Variants in SMAP1 observed in about 807,000 individuals in gnomAD.
The protein encoded by SMAP1 is stromal membrane-associated protein 1.
In SMAP1, 24 loss-of-function variants were observed where a neutral mutation model predicts 58.5. The observed-to-expected ratio is 0.41, with a 90% CI of 0.30 to 0.58. The LOEUF is 0.58. Among genes scored for constraint, SMAP1 ranks in the 20% least tolerant of loss-of-function variants. The probability of loss-of-function intolerance (pLI) is 0.29; values close to 1 mark genes in which losing one functional copy is unlikely to be tolerated. For synonymous variants in SMAP1, 216 were observed against 196.6 expected, an observed-to-expected ratio of 1.10 and a Z score of -0.82; for missense variants, 563 against 566.3, an observed-to-expected ratio of 0.99 and a Z score of 0.06.
intron 3 of SMAP1, among the ~76,000 whole-genome samples, chr6:70,771,280 A>C (rs1363290004): frequency 6.6e-6 from 1 of 152,216 alleles, no homozygotes; most frequent in African/African-American, 2.4e-5. Flanking sequence ...TTCTCTTCAA[A>C]GCTGTCAGAC....
In SMAP1 at chr6:70,860,420, ATTT is replaced by A; in HGVS notation, c.*92_*94del. 1 of 1,478,246 alleles carries A rather than the reference ATTT, an allele frequency of 6.8e-7. No individual in the cohort carries two copies. The highest frequency in any genetic ancestry group is 1.4e-5 in the South Asian group (1 of 71,720). The allele number at this position is 1,478,246 out of a possible 1,614,324, so 91.6% of individuals were successfully genotyped here. On this transcript the variant is annotated 3_prime_UTR_variant, in exon 11 of 11. Transcript: ENST00000370455. ...AGTTCCCCTGTTTATTCATATGCAT[ATTT>A]TTTTTCTTTTTACCCATTTGTTCAT... is the stretch of plus-strand genomic sequence containing the variant.
intron 1 of SMAP1, among the ~76,000 whole-genome samples, chr6:70,675,854 C>T (rs1292356802): frequency 6.6e-6 from 1 of 152,094 alleles, no homozygotes; most frequent in Non-Finnish European, 1.5e-5. Flanking sequence ...TCCCACCACC[C>T]TAAGTGATGA....
At chr6:70,810,413 T>A (rs1769335955) in intron 6 of SMAP1, among the ~76,000 whole-genome samples, 2 of 152,168 alleles carry the variant, frequency 1.3e-5, no homozygotes, top group Admixed American at 1.3e-4. Context: ...GAAGAAAAAA[T>A]TAATGTTACC....
chr6:70,838,527 G>A (rs980583681), intron 7 of SMAP1, among the ~76,000 whole-genome samples: 1 of 152,112 alleles, frequency 6.6e-6, no homozygotes, highest in Non-Finnish European at 1.5e-5. Context: ...TAGGGTGGAC[G>A]GGGGGCATTC....
intron 8 of SMAP1, among the ~76,000 whole-genome samples, chr6:70,854,201 A>G (rs898007172): frequency 6.6e-6 from 1 of 152,204 alleles, no homozygotes; most frequent in Non-Finnish European, 1.5e-5. Context: ...TTAAAATCAT[A>G]TCTAATACTT....
intron 4 of SMAP1, among the ~76,000 whole-genome samples, chr6:70,784,820 A>C (rs1185149099): frequency 1.3e-5 from 2 of 152,226 alleles, no homozygotes; most frequent in Non-Finnish European, 1.5e-5. Context: ...TGAGTGACCT[A>C]CATAAAGACT....
At position 70,861,601 on chromosome 6, in the gene SMAP1, C is replaced by G. The variant is rs1771730391; in HGVS notation, c.*1267C>G. 2 of 1,489,884 alleles carry G rather than the reference C, an allele frequency of 1.3e-6. No individual in the cohort carries two copies. The highest frequency in any genetic ancestry group is 1.2e-5 in the South Asian group (1 of 83,916). The allele number at this position is 1,489,884 out of a possible 1,614,324, so 92.3% of individuals were successfully genotyped here. ...ACCTGAATGCTCTGTAGCCTAAACTCCAAACATCCTCTTCCATATGGATCC... is the reference window on the plus strand; with the variant it reads ...ACCTGAATGCTCTGTAGCCTAAACTGCAAACATCCTCTTCCATATGGATCC... On this transcript the variant is annotated 3_prime_UTR_variant, in exon 11 of 11. Transcript: ENST00000370455.
At chr6:70,842,951 C>T (rs1393589292) in intron 7 of SMAP1, among the ~76,000 whole-genome samples, 1 of 152,206 alleles carries the variant, frequency 6.6e-6, no homozygotes, top group Admixed American at 6.5e-5. Flanking sequence ...TCCCAGGGTA[C>T]GCTTGGTCAG....
intron 1 of SMAP1, among the ~76,000 whole-genome samples, chr6:70,680,102 T>TCAACAACAA (rs140699249): frequency 0.014 from 2,039 of 150,452 alleles, 16 homozygotes; most frequent in South Asian, 0.024. Context: ...GATAGTCTTT[T>TCAACAACAA]CAACAACAAC....
intron 5 of SMAP1, among the ~76,000 whole-genome samples, chr6:70,794,736 CT>C (rs1466674785): frequency 6.6e-6 from 1 of 151,028 alleles, no homozygotes; most frequent in African/African-American, 2.4e-5. Flanking sequence ...CGAACTCTTC[CT>C]TTTTTATGGC....
rs145666404 is a variant in SMAP1 at position 70,804,230 on chromosome 6, C to T, written c.576+5493C>T. On this transcript the variant is annotated intron_variant, in intron 6 of 10. Coordinates refer to ENST00000370455, the MANE Select transcript of SMAP1 (RefSeq NM_001044305.3). ...GCTCTTATTGAATTGATCCCTTTAC[C>T]GTTATGTAATGGCTTTCTTTGTCTC... 4.4e-3 allele frequency among the ~76,000 whole-genome samples: 675 copies of T among 151,706 alleles called. 18 individuals carry two copies. In the East Asian group the frequency reaches 0.059, roughly 13 times the overall value.
intron 2 of SMAP1, among the ~76,000 whole-genome samples, chr6:70,735,395 C>T (rs574736580): frequency 2.6e-5 from 4 of 152,224 alleles, no homozygotes; most frequent in South Asian, 4.1e-4. Context: ...TTAACTTTGA[C>T]GTTTAATTCA....
intron 1 of SMAP1, among the ~76,000 whole-genome samples, chr6:70,709,310 C>T (rs2149836024): frequency 6.6e-6 from 1 of 152,114 alleles, no homozygotes; most frequent in Middle Eastern, 3.4e-3. Flanking sequence ...ACAATATGCC[C>T]ATATTGTTTT....
chr6:70,858,338 G>A lies in SMAP1; in HGVS notation c.1269+109G>A, dbSNP rs16869513. The A allele has an allele frequency of 6.5e-3, 5,973 of 919,878 alleles. 302 individuals are homozygous for A. In the African/African-American group the frequency reaches 0.11, roughly 17 times the overall value. 57.0% of individuals were successfully genotyped at this position (919,878 alleles called of 1,614,324 possible). On this transcript the variant is annotated intron_variant, in intron 10 of 10. Coordinates refer to ENST00000370455, the MANE Select transcript of SMAP1 (RefSeq NM_001044305.3). The stretch of plus-strand genomic sequence containing the variant: ...TTTAAGTCTAGTGATCTGGCAGAAA[G>A]AATTCAATAGGGATAATATGTTATA...
intron 6 of SMAP1, among the ~76,000 whole-genome samples, chr6:70,803,627 C>T (rs1356963813): frequency 6.6e-6 from 1 of 152,142 alleles, no homozygotes; most frequent in Non-Finnish European, 1.5e-5. Flanking sequence ...CTCTTGTGGG[C>T]ATTTAGTGCT....
At chr6:70,724,475 C>T (rs1161158187) in intron 1 of SMAP1, among the ~76,000 whole-genome samples, 3 of 152,132 alleles carry the variant, frequency 2.0e-5, no homozygotes, top group Non-Finnish European at 2.9e-5. Flanking sequence ...GGATTACAGG[C>T]GTGAGCCACT....
At chr6:70,672,016 G>A (rs2128547331) in intron 1 of SMAP1, among the ~76,000 whole-genome samples, 1 of 152,318 alleles carries the variant, frequency 6.6e-6, no homozygotes, top group South Asian at 2.1e-4. Context: ...TAGCCTGTCT[G>A]ATATTGAGAG....
intron 4 of SMAP1, among the ~76,000 whole-genome samples, chr6:70,776,879 T>C (rs903439786): frequency 1.3e-5 from 2 of 152,238 alleles, no homozygotes; most frequent in Non-Finnish European, 2.9e-5. Context: ...ACTTTAAAAA[T>C]CTGTTCATCT....
At chr6:70,756,955 ACAGAT>A (rs1257642049) in intron 3 of SMAP1, among the ~76,000 whole-genome samples, 1 of 152,138 alleles carries the variant, frequency 6.6e-6, no homozygotes, top group Non-Finnish European at 1.5e-5. Context: ...AAGGTGATTT[ACAGAT>A]TCAATGCCAT....
Sources: gnomAD v4.1 joint callset for allele counts (sites outside exome capture counted in the v4.1 genomes callset) on GRCh38, gnomAD v4.1.1 for gene constraint, MANE v1.5 for transcripts, NCBI Gene and HGNC (gene_info 2026-07-23, HGNC 2026-07-21) for gene names.